Variants in SAMD3 observed in about 807,000 individuals in gnomAD.
SAMD3 encodes sterile alpha motif domain containing 3.
SAMD3 carries 63 observed loss-of-function variants against 58.5 expected under a neutral mutation model. The ratio of observed to expected loss-of-function variants is 1.08; its 90% CI spans 0.88 to 1.33. SAMD3 has a LOEUF of 1.33. SAMD3 is among the 40% of genes most tolerant of loss of function. SAMD3 has a pLI of 0.00. For missense variants in SAMD3, 604 were observed against 608.4 expected, an observed-to-expected ratio of 0.99 and a Z score of 0.08; for synonymous variants, 220 against 210.3, an observed-to-expected ratio of 1.05 and a Z score of -0.40.
chr6:130,354,083 C>T (rs1777757039), intron 1 of SAMD3, among the ~76,000 whole-genome samples: 2 of 152,160 alleles, frequency 1.3e-5, no homozygotes, highest in Admixed American at 1.3e-4. Flanking sequence ...AGCTCAACAT[C>T]ACTGATCATT....
intron 1 of SAMD3, among the ~76,000 whole-genome samples, chr6:130,338,210 C>G (rs915876293): frequency 2.0e-5 from 3 of 152,188 alleles, no homozygotes; most frequent in Non-Finnish European, 4.4e-5. Context: ...AGGGTTCAAG[C>G]CCCAAGACTT....
At chr6:130,240,060 C>T (rs548762309) in intron 2 of SAMD3, among the ~76,000 whole-genome samples, 2 of 152,330 alleles carry the variant, frequency 1.3e-5, no homozygotes, top group Admixed American at 6.5e-5. Context: ...AATTGGGTCC[C>T]TCTCCTGGAA....
intron 5 of SAMD3, among the ~76,000 whole-genome samples, chr6:130,200,777 G>T (rs1362664067): frequency 6.6e-6 from 1 of 152,026 alleles, no homozygotes; most frequent in Non-Finnish European, 1.5e-5. Context: ...GGGAGGTGGT[G>T]GTGTTATTGA....
chr6:130,262,741 G>A (rs1004305102), intron 2 of SAMD3, among the ~76,000 whole-genome samples: 2 of 152,050 alleles, frequency 1.3e-5, no homozygotes, highest in Non-Finnish European at 2.9e-5. Flanking sequence ...ATTATAAGGA[G>A]CCATAAGAAT....
intron 2 of SAMD3, among the ~76,000 whole-genome samples, chr6:130,289,278 G>C (rs2114960561): frequency 6.6e-6 from 1 of 152,252 alleles, no homozygotes; most frequent in Middle Eastern, 3.4e-3. Flanking sequence ...GTGCAATAGG[G>C]ACTCCATACG....
chr6:130,170,345 G>A (rs12200443), intron 8 of SAMD3, among the ~76,000 whole-genome samples: 20,862 of 152,128 alleles, frequency 0.14, 1,657 homozygotes, highest in African/African-American at 0.22. Flanking sequence ...ATGGCTTCCA[G>A]CTTCATCCAT....
intron 2 of SAMD3, among the ~76,000 whole-genome samples, chr6:130,227,954 GC>G (rs1463577936): frequency 6.6e-6 from 1 of 152,054 alleles, no homozygotes; most frequent in African/African-American, 2.4e-5. Flanking sequence ...CAAGTGATTT[GC>G]CCAAGGATGC....
At chr6:130,324,666 G>A (rs531380791) in intron 1 of SAMD3, among the ~76,000 whole-genome samples, 18 of 151,990 alleles carry the variant, frequency 1.2e-4, no homozygotes, top group African/African-American at 1.9e-4. Flanking sequence ...GGAAGAAGCC[G>A]AAAGATCTGT....
rs533458374 is a variant in SAMD3, at chr6:130,330,461, A to T, written c.-303-17368T>A. Among the ~76,000 whole-genome samples, 6 of 152,330 alleles carry T rather than the reference A, an allele frequency of 3.9e-5. No individual in the cohort carries two copies. The South Asian group carries it at 1.2e-3, about 32-fold the overall frequency. ...CCTCAAAGCGTAGTGAGATTCAGTC[A>T]TGTAGCTATGTTTTTGGAAGCTGGT... On this transcript the variant is annotated intron_variant, in intron 1 of 13. Transcript: ENST00000368134.
chr6:130,214,085 T>G (rs1430209262), intron 4 of SAMD3, among the ~76,000 whole-genome samples: 1 of 152,180 alleles, frequency 6.6e-6, no homozygotes, highest in African/African-American at 2.4e-5. Flanking sequence ...TCCACAGCAT[T>G]TTATATAGAA....
intron 2 of SAMD3, among the ~76,000 whole-genome samples, chr6:130,297,631 A>G (rs900499928): frequency 6.6e-6 from 1 of 152,224 alleles, no homozygotes; most frequent in Non-Finnish European, 1.5e-5. Flanking sequence ...TCCAATAAGA[A>G]GAAGCCAGAA....
At position 130,208,581 on chromosome 6, in the gene SAMD3, T is replaced by C. The variant is rs749224540; in HGVS notation, c.383+914A>G. 2.3e-4 allele frequency among the ~76,000 whole-genome samples: 35 copies of C among 152,304 alleles called. No homozygotes were observed. The Middle Eastern group carries it at 0.01, about 44-fold the overall frequency. ...CACAAACCCTACTGTGAACTGTGCATGTGAAGGATCTAGGTTGAGCACTCC... is the reference window on the plus strand; with the variant it reads ...CACAAACCCTACTGTGAACTGTGCACGTGAAGGATCTAGGTTGAGCACTCC... On this transcript the variant is annotated intron_variant, in intron 5 of 11. Coordinates refer to ENST00000439090, the MANE Select transcript of SAMD3 (RefSeq NM_001017373.4).
intron 1 of SAMD3, among the ~76,000 whole-genome samples, chr6:130,219,479 C>T (rs904471203): frequency 1.1e-4 from 16 of 152,216 alleles, no homozygotes; most frequent in African/African-American, 3.6e-4. Context: ...TTTTATCTCT[C>T]ACCCTTTTCC....
In SAMD3 at chr6:130,238,984, C is replaced by G. The variant is rs142401810; in HGVS notation, c.-187-16171G>C. Among the ~76,000 whole-genome samples, 7 of 152,262 alleles carry G rather than the reference C, an allele frequency of 4.6e-5. No homozygotes were observed. The East Asian group carries it at 1.4e-3, about 29-fold the overall frequency. ...ATGTTGGCTAGGCTGGTCTCAAACTCCTGATCTCAAGTCATCCGCCTGCTT... is the reference window on the plus strand; with the variant it reads ...ATGTTGGCTAGGCTGGTCTCAAACTGCTGATCTCAAGTCATCCGCCTGCTT... On this transcript the variant is annotated intron_variant, in intron 2 of 13. Coordinates refer to the SAMD3 transcript ENST00000368134.
At chr6:130,211,986 A>C (rs1366505197) in intron 4 of SAMD3, among the ~76,000 whole-genome samples, 1 of 151,130 alleles carries the variant, frequency 6.6e-6, no homozygotes, top group African/African-American at 2.4e-5. Context: ...TTACAGTTGA[A>C]GAAGCTAAAA....
rs374938624 is a variant in SAMD3 at position 130,249,260 on chromosome 6, A to G, written c.-187-26447T>C. On this transcript the variant is annotated intron_variant, in intron 2 of 13. Transcript: ENST00000368134. ...CATGAGTCTAATATGACTTACCCTAATTGGCCAAAGAGTATCTCTTTTACA... is the reference window on the plus strand; with the variant it reads ...CATGAGTCTAATATGACTTACCCTAGTTGGCCAAAGAGTATCTCTTTTACA... Among the ~76,000 whole-genome samples, 39 of 152,252 alleles carry G rather than the reference A, an allele frequency of 2.6e-4. 1 individual carries two copies. In the South Asian group the frequency reaches 7.9e-3, roughly 31 times the overall value.
chr6:130,198,516 G>A (rs1282903366), intron 5 of SAMD3, among the ~76,000 whole-genome samples: 1 of 152,156 alleles, frequency 6.6e-6, no homozygotes. Context: ...GCCTAAATTT[G>A]TGTTTTCAGA....
intron 1 of SAMD3, among the ~76,000 whole-genome samples, chr6:130,319,137 T>A (rs1401177267): frequency 2.0e-5 from 3 of 151,954 alleles, no homozygotes; most frequent in Non-Finnish European, 4.4e-5. Context: ...CAATAAAGCA[T>A]CAGTGGGTTG....
At chr6:130,148,155 C>A (rs1015765835) in intron 9 of SAMD3, among the ~76,000 whole-genome samples, 2 of 152,186 alleles carry the variant, frequency 1.3e-5, no homozygotes, top group African/African-American at 4.8e-5. Flanking sequence ...AGTACTACTA[C>A]AATAGTTGCC....
Sources: allele counts gnomAD v4.1 joint callset (sites outside exome capture counted in the v4.1 genomes callset), GRCh38; gene constraint gnomAD v4.1.1; transcripts MANE v1.5; gene names NCBI Gene and HGNC (gene_info 2026-07-23, HGNC 2026-07-21).